Variants in PID1 observed in about 807,000 individuals in gnomAD.
The protein encoded by PID1 is phosphotyrosine interaction domain containing 1, also known as PTB-containing, cubilin and LRP1-interacting protein.
Under a neutral mutation model 19.1 loss-of-function variants are expected in PID1, and 10 were observed. The ratio of observed to expected loss-of-function variants is 0.52; its 90% confidence interval spans 0.32 to 0.89. PID1 has a LOEUF of 0.89. Among genes scored for constraint, PID1 ranks in the 40% least tolerant of loss-of-function variants. PID1 has a pLI of 0.03. For missense variants in PID1, 248 were observed against 285.3 expected, an observed-to-expected ratio of 0.87 and a Z score of 0.94; for synonymous variants, 130 against 116.0, an observed-to-expected ratio of 1.12 and a Z score of -0.78.
At chr2:229,031,272 T>C (rs1277374257) in intron 2 of PID1, among the ~76,000 whole-genome samples, 2 of 140,678 alleles carry the variant, frequency 1.4e-5, no homozygotes, top group South Asian at 2.2e-4. Flanking sequence ...TAAAGAAATA[T>C]AGGGGCTGGG....
At chr2:229,046,587 T>A (rs1484976104) in intron 2 of PID1, among the ~76,000 whole-genome samples, 1 of 151,568 alleles carries the variant, frequency 6.6e-6, no homozygotes, top group African/African-American at 2.4e-5. Context: ...AAAAAAAAAA[T>A]TATATAATTT....
At chr2:229,218,734 C>G (rs1047624152) in intron 1 of PID1, among the ~76,000 whole-genome samples, 1 of 152,090 alleles carries the variant, frequency 6.6e-6, no homozygotes, top group Admixed American at 6.5e-5. Context: ...GACTGATGGA[C>G]AAAGTCCAAA....
chr2:229,055,953 G>A lies in PID1; in HGVS notation c.178-29845C>T, dbSNP rs531620099. Reference sequence around the variant, plus strand: ...GAGAGGATGAATTGCCTGTCCAAGTGGACACGGCTGACTGTTAAGAGCTGG... The same window carrying A: ...GAGAGGATGAATTGCCTGTCCAAGTAGACACGGCTGACTGTTAAGAGCTGG... On this transcript the variant is annotated intron_variant, in intron 2 of 2. Coordinates refer to ENST00000392055, the MANE Select transcript of PID1 (RefSeq NM_001100818.2). Among the ~76,000 whole-genome samples the A allele has an allele frequency of 9.9e-5, 15 of 152,284 alleles. 1 individual carries two copies. The South Asian group carries it at 3.1e-3, about 32-fold the overall frequency.
intron 1 of PID1, among the ~76,000 whole-genome samples, chr2:229,255,759 G>C (rs769926917): frequency 6.6e-6 from 1 of 152,132 alleles, no homozygotes; most frequent in Non-Finnish European, 1.5e-5. Context: ...ACTTGTGCCT[G>C]GAACCCCTCC....
intron 2 of PID1, among the ~76,000 whole-genome samples, chr2:229,036,560 C>T (rs1693667913): frequency 6.6e-6 from 1 of 151,960 alleles, no homozygotes; most frequent in African/African-American, 2.4e-5. Flanking sequence ...ACCAGCCTGG[C>T]CAACACAGTG....
intron 2 of PID1, among the ~76,000 whole-genome samples, chr2:229,128,037 T>C (rs1013965516): frequency 1.3e-5 from 2 of 152,164 alleles, no homozygotes; most frequent in South Asian, 4.1e-4. Context: ...TGCAGGGAGA[T>C]GGCAGGGCTG....
intron 1 of PID1, 96 bp from the exon 2 acceptor site, chr2:229,156,060 ACT>A: frequency 8.9e-7 from 1 of 1,127,912 alleles, no homozygotes; most frequent in Non-Finnish European, 1.3e-6. Flanking sequence ...TGTTTTATTG[ACT>A]CTGTTCTATT....
intron 2 of PID1, among the ~76,000 whole-genome samples, chr2:229,108,392 CAT>C (rs1483623600): frequency 6.6e-6 from 1 of 152,168 alleles, no homozygotes; most frequent in Non-Finnish European, 1.5e-5. Context: ...GACACCAATG[CAT>C]GGGGGAGCAA....
intron 2 of PID1, among the ~76,000 whole-genome samples, chr2:229,045,208 C>T (rs1179030632): frequency 6.6e-6 from 1 of 152,230 alleles, no homozygotes; most frequent in Non-Finnish European, 1.5e-5. Context: ...CCCGCCTTGG[C>T]CTCCCAAAAT....
Position 229,239,646 on chromosome 2 carries a change from T to G in PID1, c.30+31368A>C, listed in dbSNP as rs187495501. Among the ~76,000 whole-genome samples, 46 of 152,284 alleles carry G rather than the reference T, an allele frequency of 3.0e-4. 1 individual carries two copies. The highest frequency in any genetic ancestry group is 2.7e-3 in the Admixed American group (41 of 15,288). ...AAATGATGATCTCTTAAGCTCCATT[T>G]TCTAATATATTCAAAGAGAAGGTCA... On this transcript the variant is annotated intron_variant, in intron 1 of 2. Transcript: ENST00000392055.
At chr2:229,132,340 C>T (rs374286519) in intron 2 of PID1, among the ~76,000 whole-genome samples, 3 of 152,136 alleles carry the variant, frequency 2.0e-5, no homozygotes, top group Admixed American at 6.5e-5. Context: ...TGGGCTATCA[C>T]GATCCCAGAG....
At chr2:229,268,962 T>C (rs1574772705) in intron 1 of PID1, among the ~76,000 whole-genome samples, 3 of 150,978 alleles carry the variant, frequency 2.0e-5, no homozygotes, top group African/African-American at 7.3e-5. Flanking sequence ...TAAAAACATA[T>C]AAATTATGTG....
chr2:229,266,119 G>C (rs899242376), intron 1 of PID1, among the ~76,000 whole-genome samples: 1 of 152,172 alleles, frequency 6.6e-6, no homozygotes, highest in South Asian at 2.1e-4. Context: ...AATAGGGCCC[G>C]ATGTTTTGTG....
intron 2 of PID1, among the ~76,000 whole-genome samples, chr2:229,095,324 T>C (rs766560294): frequency 6.6e-5 from 10 of 152,256 alleles, no homozygotes; most frequent in Middle Eastern, 3.4e-3. Context: ...TGGTAGAAAT[T>C]AAATGACCAC....
rs188648790 is a variant in PID1, at chr2:229,268,028, C to A, written c.30+2986G>T. On this transcript the variant is annotated intron_variant, in intron 1 of 2. Transcript: ENST00000392055. ...GGGTGGTAAATTAAATCTTCACATC[C>A]CTTTTGATCCTATTATATTTTTAAT... Among the ~76,000 whole-genome samples, 315 of 152,186 alleles carry A rather than the reference C, an allele frequency of 2.1e-3. 1 individual carries two copies. Among genetic ancestry groups the A allele is most frequent in the Non-Finnish European group, 3.5e-3 (241 of 68,016 alleles).
intron 2 of PID1, among the ~76,000 whole-genome samples, chr2:229,123,217 A>T (rs956736363): frequency 2.2e-4 from 33 of 152,164 alleles, no homozygotes; most frequent in African/African-American, 7.9e-4. Flanking sequence ...CCACTAATCT[A>T]CCTGTCTCTA....
intron 1 of PID1, among the ~76,000 whole-genome samples, chr2:229,250,704 T>C (rs1690128161): frequency 6.6e-6 from 1 of 152,214 alleles, no homozygotes; most frequent in African/African-American, 2.4e-5. Context: ...CATGTCACAG[T>C]TCTCATCCCT....
At chr2:229,213,508 C>T (rs1216837545) in intron 1 of PID1, among the ~76,000 whole-genome samples, 3 of 152,286 alleles carry the variant, frequency 2.0e-5, no homozygotes, top group East Asian at 1.9e-4. Context: ...AGCATTGATT[C>T]GGGGAAGGGT....
intron 1 of PID1, among the ~76,000 whole-genome samples, chr2:229,198,388 G>A (rs940030477): frequency 9.9e-5 from 15 of 151,902 alleles, no homozygotes; most frequent in African/African-American, 3.6e-4. Context: ...TCTGTCCTCT[G>A]CCCACACTCT....
Sources: gnomAD v4.1 joint callset for allele counts (sites outside exome capture counted in the v4.1 genomes callset) on GRCh38, gnomAD v4.1.1 for gene constraint, MANE v1.5 for transcripts, NCBI Gene and HGNC (gene_info 2026-07-23, HGNC 2026-07-21) for gene names.